Variants in CEP350 observed in about 807,000 individuals in gnomAD.
CEP350 encodes centrosome-associated protein 350.
CEP350 carries 126 observed loss-of-function variants against 331.8 expected under a neutral mutation model. The ratio of observed to expected loss-of-function variants is 0.38; its 90% CI spans 0.33 to 0.44. The LOEUF (loss-of-function observed/expected upper bound fraction) is 0.44. Ranked by LOEUF, CEP350 falls within the 20% of genes least tolerant of loss-of-function variation. The pLI, the probability that CEP350 is intolerant of heterozygous loss-of-function variation, is 1.00. For missense variants in CEP350, 3,406 were observed against 3,634.6 expected (o/e 0.94, Z 1.62); for synonymous variants, 1,200 against 1,259.5 (o/e 0.95, Z 1.00).
chr1:180,007,149 G>A (rs1370538352), intron 8 of CEP350, among the ~76,000 whole-genome samples: 2 of 152,084 alleles, frequency 1.3e-5, no homozygotes, highest in African/African-American at 4.8e-5. Context: ...TGAGTCAAAT[G>A]GTATTTCTGG....
intron 15 of CEP350, 144 bp downstream of exon 15, chr1:180,031,638 G>A (rs1359721416): frequency 5.4e-6 from 2 of 373,562 alleles, no homozygotes; most frequent in South Asian, 2.1e-4. Flanking sequence ...TTTACAAATA[G>A]ACTTCATAGC....
At chr1:179,981,537 T>C (rs898277776) in intron 1 of CEP350, among the ~76,000 whole-genome samples, 3 of 152,210 alleles carry the variant, frequency 2.0e-5, no homozygotes, top group Non-Finnish European at 2.9e-5. Flanking sequence ...ATTTTCAGTT[T>C]CTACAAAAAT....
chr1:180,083,363 A>G (rs966106812), intron 30 of CEP350, among the ~76,000 whole-genome samples: 2 of 152,188 alleles, frequency 1.3e-5, no homozygotes, highest in African/African-American at 4.8e-5. Context: ...TATCTTTTTC[A>G]TGATGTTGCT....
Position 180,094,340 on chromosome 1 carries a change from A to AG in CEP350, c.8235_8236insG (p.Gln2746AlafsTer34). On this transcript the variant is annotated frameshift_variant, in exon 34 of 38. Coordinates refer to ENST00000367607, the MANE Select transcript of CEP350 (RefSeq NM_014810.5). LOFTEE classifies it high-confidence loss of function. ...CACTAAATGAGGAAAAAAAGTCAAA[A>AG]CAACAACTGGAAAAAATCAGCTTAC... 6.2e-7 allele frequency: 1 copy of AG among 1,613,952 alleles called. No homozygotes were observed. Among genetic ancestry groups the AG allele is most frequent in the Non-Finnish European group, 8.5e-7 (1 of 1,179,868 alleles).
intron 30 of CEP350, among the ~76,000 whole-genome samples, chr1:180,083,516 G>A (rs1055322257): frequency 1.3e-5 from 2 of 150,894 alleles, no homozygotes; most frequent in African/African-American, 4.9e-5. Context: ...TTTTTAATGT[G>A]GTATTAAGCC....
chr1:180,105,881 T>C (rs981104704), intron 37 of CEP350, among the ~76,000 whole-genome samples: 4 of 152,246 alleles, frequency 2.6e-5, no homozygotes, highest in African/African-American at 7.2e-5. Context: ...TCAATCTAAC[T>C]ATATTTGTGT....
intron 31 of CEP350, among the ~76,000 whole-genome samples, chr1:180,084,578 A>T (rs1356202532): frequency 6.6e-6 from 1 of 152,042 alleles, no homozygotes; most frequent in Non-Finnish European, 1.5e-5. Flanking sequence ...GTTAGCGAGG[A>T]TGGTCTCGAT....
At chr1:179,961,955 C>T (rs1650658047) in intron 1 of CEP350, among the ~76,000 whole-genome samples, 1 of 151,890 alleles carries the variant, frequency 6.6e-6, no homozygotes, top group Admixed American at 6.6e-5. Flanking sequence ...AAGCGATTCT[C>T]CTGCCTCAGC....
Position 180,014,098 on chromosome 1 carries a change from G to A in CEP350, c.1645G>A (p.Val549Ile), listed in dbSNP as rs1332422042. The A allele has an allele frequency of 6.2e-7, 1 of 1,611,324 alleles. No homozygotes were observed. The highest frequency in any genetic ancestry group is 1.7e-5 in the Admixed American group (1 of 59,510). Residue 549 changes from valine to isoleucine, a missense_variant, in exon 10 of 38, where the codon GTA becomes ATA. Physicochemically the swap from Val to Ile is conservative, Grantham distance 29 (BLOSUM62 3). Coordinates refer to ENST00000367607, the MANE Select transcript of CEP350 (RefSeq NM_014810.5). ...AGCTCACACTGCAAAGCAAGATACTGTAGAGTTACAGAACCAGAAGTCATC... is the reference window on the plus strand; with the variant it reads ...AGCTCACACTGCAAAGCAAGATACTATAGAGTTACAGAACCAGAAGTCATC... ...STAHTAKQDT[V>I]ELQNQKSSAP...
Position 179,986,240 on chromosome 1 carries a change from A to G in CEP350, c.59A>G (p.Lys20Arg), listed in dbSNP as rs139524243. The G allele has an allele frequency of 3.2e-6, 5 of 1,550,638 alleles. 1 individual carries two copies. The highest frequency in any genetic ancestry group is 4.4e-6 in the Non-Finnish European group (5 of 1,146,462). Residue 20 changes from lysine (K) to arginine (R), a missense_variant, in exon 2 of 38, where the codon AAG becomes AGG. This residue lies in a region of CEP350 where 1,857 missense variants were observed against 1,909.2 expected (regional missense o/e 0.97). Coordinates refer to ENST00000367607, the MANE Select transcript of CEP350 (RefSeq NM_014810.5). Reference sequence around the variant, plus strand: ...CCAAATCCAAGGAACTCTCAAAGCAAGGATACTGTTCAAGGTATGATTTTG... The same window carrying G: ...CCAAATCCAAGGAACTCTCAAAGCAGGGATACTGTTCAAGGTATGATTTTG... ...PLPNPRNSQS[K>R]DTVQADITTS...
rs1370337314 is a variant in CEP350, at chr1:180,112,400, A to T, written c.*1239A>T. On this transcript the variant is annotated 3_prime_UTR_variant, in exon 38 of 38. Transcript: ENST00000367607. Reference sequence around the variant, plus strand: ...TAGCAGCAGTGGGATAAAATGATTTAAAAACACTGTACAATTTAACTCTGC... The same window carrying T: ...TAGCAGCAGTGGGATAAAATGATTTTAAAACACTGTACAATTTAACTCTGC... The T allele has an allele frequency of 6.6e-6, 1 of 152,632 alleles. No individual in the cohort carries two copies. The highest frequency in any genetic ancestry group is 1.5e-5 in the Non-Finnish European group (1 of 68,038). The allele number at this position is 152,632 out of a possible 1,614,324, so 9.5% of individuals were successfully genotyped here.
At chr1:180,108,216 C>G (rs147209715) in intron 37 of CEP350, among the ~76,000 whole-genome samples, 6 of 152,102 alleles carry the variant, frequency 3.9e-5, no homozygotes, top group African/African-American at 1.2e-4. Flanking sequence ...GAGGTTACAC[C>G]GAGAGAGAGA....
intron 17 of CEP350, among the ~76,000 whole-genome samples, chr1:180,039,111 C>T (rs1296575089): frequency 1.5e-4 from 12 of 81,922 alleles, no homozygotes; most frequent in African/African-American, 3.5e-4. Flanking sequence ...CAGCTACTTG[C>T]GGCGGGTTGG....
intron 1 of CEP350, among the ~76,000 whole-genome samples, chr1:179,967,984 A>G (rs1387125305): frequency 6.6e-6 from 1 of 152,122 alleles, no homozygotes; most frequent in African/African-American, 2.4e-5. Context: ...TCATTTGGCA[A>G]ACAGGTCTGG....
At chr1:180,006,314 G>A in intron 7 of CEP350, 140 bp from the exon 8 acceptor site, 1 of 588,346 alleles carries the variant, frequency 1.7e-6, no homozygotes, top group South Asian at 2.1e-5. Flanking sequence ...GTATTATGTG[G>A]GCCATAGAAG....
At chr1:179,970,710 T>C (rs1014613862) in intron 1 of CEP350, among the ~76,000 whole-genome samples, 9 of 152,220 alleles carry the variant, frequency 5.9e-5, no homozygotes, top group Admixed American at 1.3e-4. Context: ...AATGAAACTA[T>C]GTGATTGGAT....
intron 17 of CEP350, among the ~76,000 whole-genome samples, chr1:180,037,736 G>T (rs1293158528): frequency 6.6e-6 from 1 of 151,990 alleles, no homozygotes; most frequent in Admixed American, 6.6e-5. Flanking sequence ...TGCAAGCTCC[G>T]CTTCCCAGGT....
intron 37 of CEP350, among the ~76,000 whole-genome samples, chr1:180,108,527 C>G (rs1661282717): frequency 6.6e-6 from 1 of 151,990 alleles, no homozygotes; most frequent in South Asian, 2.1e-4. Flanking sequence ...GGGTGGGGGA[C>G]TAAAAGAACT....
rs774583831 is a variant in CEP350, at chr1:180,094,482, C to A, written c.8377C>A (p.Gln2793Lys). The change falls in exon 34 of 38, where the codon CAA becomes AAA. Residue 2793 changes from glutamine to lysine, a missense_variant. Gln to Lys is a moderately conservative substitution (Grantham distance 53). Transcript: ENST00000367607. Reference protein sequence around the residue: ...LSNQELLGDDQKKVTPQDLSQ... With the variant: ...LSNQELLGDDKKKVTPQDLSQ... ...CAATCAGGAGCTTCTTGGTGATGAC[C>A]AAAAGAAAGTAACACCCCAAGACCT... is the stretch of plus-strand genomic sequence containing the variant. The A allele has an allele frequency of 6.8e-6, 11 of 1,613,670 alleles. No homozygotes were observed. The Admixed American group carries it at 1.8e-4, about 27-fold the overall frequency.
Sources: gnomAD v4.1 joint callset for allele counts (sites outside exome capture counted in the v4.1 genomes callset) on GRCh38, gnomAD v4.1.1 for gene constraint, gnomAD v4.1.1 regional missense constraint, MANE v1.5 for transcripts, NCBI Gene and HGNC (gene_info 2026-07-23, HGNC 2026-07-21) for gene names.